The following GLB1L2 variants were observed in gnomAD, a reference collection of about 807,000 sequenced individuals.
GLB1L2 encodes the protein beta-galactosidase-1-like protein 2.
GLB1L2 carries 68 observed loss-of-function variants against 84.1 expected under a neutral mutation model. The observed-to-expected ratio is 0.81, with a 90% CI of 0.67 to 0.99. The LOEUF is 0.99. Ranked by LOEUF, GLB1L2 falls within the 50% of genes least tolerant of loss-of-function variation. GLB1L2 has a pLI of 0.00. For synonymous variants in GLB1L2, 290 were observed against 318.0 expected (o/e 0.91, Z 0.94); for missense variants, 762 against 805.6 (o/e 0.95, Z 0.66).
At chr11:134,365,274 C>T (rs1943853640) in intron 8 of GLB1L2, among the ~76,000 whole-genome samples, 1 of 152,216 alleles carries the variant, frequency 6.6e-6, no homozygotes, top group Non-Finnish European at 1.5e-5. Context: ...GGCGAGGAGG[C>T]TCCCAGGAGG....
chr11:134,369,439 C>T (rs1161516092), intron 10 of GLB1L2, among the ~76,000 whole-genome samples: 4 of 144,004 alleles, frequency 2.8e-5, no homozygotes. Flanking sequence ...GAGCGATCCT[C>T]CTGCCTTGGC....
chr11:134,374,501 C>A (rs145351359), intron 17 of GLB1L2, 101 bp from the exon 18 acceptor site: 1 of 931,514 alleles, frequency 1.1e-6, no homozygotes, highest in Non-Finnish European at 1.7e-6. Flanking sequence ...AGACACAGCT[C>A]GCTTTGGTCT....
rs1287609742 is a variant in GLB1L2, at chr11:134,367,256, G to A, written c.805-1G>A. Reference sequence around the variant, plus strand: ...TCTAACTCTCATTTTGTGGTGTCCAGGGGACTCAGCCCAAGATGGTGATGG... The same window carrying A: ...TCTAACTCTCATTTTGTGGTGTCCAAGGGACTCAGCCCAAGATGGTGATGG... On this transcript the variant is annotated splice_acceptor_variant, in intron 8 of 18. Transcript: ENST00000535456. LOFTEE classifies it high-confidence loss of function. The A allele has an allele frequency of 6.2e-7, 1 of 1,613,360 alleles. No individual in the cohort carries two copies. The highest frequency in any genetic ancestry group is 8.5e-7 in the Non-Finnish European group (1 of 1,179,380).
Position 134,373,822 on chromosome 11 carries a change from C to T in GLB1L2, c.1595+14C>T, listed in dbSNP as rs1943989471. ...CTTCTTTCAGAGGTGGGTCCCTGCC[C>T]AGCACCAGCCCTTGCACTCACAGGT... On this transcript the variant is annotated intron_variant, in intron 16 of 18. Transcript: ENST00000535456. The T allele has an allele frequency of 6.5e-7, 1 of 1,548,568 alleles. No homozygotes were observed. Among genetic ancestry groups the T allele is most frequent in the Non-Finnish European group, 8.9e-7 (1 of 1,121,852 alleles).
intron 15 of GLB1L2, among the ~76,000 whole-genome samples, chr11:134,373,191 C>T (rs1166989102): frequency 2.0e-5 from 3 of 152,246 alleles, no homozygotes; most frequent in African/African-American, 4.8e-5. Flanking sequence ...ACTGGCAGGG[C>T]TGGCCCGGCC....
rs115756556 is a variant in GLB1L2 at position 134,370,588 on chromosome 11, G to C, written c.1215+189G>C. On this transcript the variant is annotated intron_variant, in intron 12 of 18. Transcript: ENST00000535456. The surrounding 1 kb of genome is among the most constrained non-coding windows in gnomAD (Gnocchi z 4.7). ...CTGGTGGCTCTGGGGTCTGCTCTCC[G>C]GCCTTGGAGCTCAGAGGGAAGAGGA... is the stretch of plus-strand genomic sequence containing the variant. 1.3e-5 allele frequency among the ~76,000 whole-genome samples: 2 copies of C among 152,064 alleles called. No individual in the cohort carries two copies. Among genetic ancestry groups the C allele is most frequent in the African/African-American group, 4.8e-5 (2 of 41,400 alleles).
intron 1 of GLB1L2, among the ~76,000 whole-genome samples, chr11:134,342,342 C>T (rs1429173535): frequency 2.0e-5 from 3 of 152,162 alleles, no homozygotes; most frequent in Non-Finnish European, 2.9e-5. Context: ...TGCGGTCGGG[C>T]GGCTGCGACC....
Position 134,368,692 on chromosome 11 carries a change from A to T in GLB1L2, c.938A>T (p.Asn313Ile). The change falls in exon 10 of 19, where the codon AAC (asparagine) becomes ATC (isoleucine). Residue 313 changes from asparagine to isoleucine, a missense_variant. By Grantham distance (149) the Asn-to-Ile change is moderately radical. Coordinates refer to ENST00000535456, the MANE Select transcript of GLB1L2 (RefSeq NM_001370461.1). ...SAIVDAGSSINLYMFHGGTNF... is the reference protein window; with the variant it reads ...SAIVDAGSSIILYMFHGGTNF... ...ATTGTGGACGCCGGCTCCTCCATCA[A>T]CCTCTACATGTTCCACGGAGGCACC... 1 of 1,613,872 alleles carries T rather than the reference A, an allele frequency of 6.2e-7. No homozygotes were observed. The highest frequency in any genetic ancestry group is 8.5e-7 in the Non-Finnish European group (1 of 1,179,984).
intron 1 of GLB1L2, among the ~76,000 whole-genome samples, chr11:134,335,736 G>A (rs1214319882): frequency 6.6e-6 from 1 of 152,158 alleles, no homozygotes; most frequent in East Asian, 1.9e-4. Context: ...GAAGTGGCAA[G>A]TGAAATAAAA....
intron 5 of GLB1L2, chr11:134,355,963 A>G (rs777203484): frequency 1.0e-4 from 49 of 486,054 alleles, no homozygotes; most frequent in Middle Eastern, 3.1e-4. Context: ...ACCATGCTAC[A>G]TTGGGGTGGG....
At chr11:134,351,207 C>T (rs530991543) in intron 5 of GLB1L2, among the ~76,000 whole-genome samples, 3 of 152,232 alleles carry the variant, frequency 2.0e-5, no homozygotes, top group Admixed American at 6.5e-5. Context: ...TCCTTCTGTT[C>T]CTAGTTGACT....
intron 8 of GLB1L2, 142 bp downstream of exon 8, chr11:134,364,540 T>C: frequency 4.4e-6 from 3 of 687,772 alleles, no homozygotes; most frequent in Non-Finnish European, 7.5e-6. Context: ...CCCATGCCAC[T>C]GTGTGCCTGC....
Position 134,339,763 on chromosome 11 carries a change from C to T in GLB1L2, c.87-2991C>T, listed in dbSNP as rs1265618824. On this transcript the variant is annotated intron_variant, in intron 1 of 18. Transcript: ENST00000535456. This position sits in a 1 kb window ranked among gnomAD's most constrained non-coding sequence, Gnocchi z 5.7. ...TGTAACCTTGGGATTGGTTAGAATGCAGATTTTGATTCAGTAGGTCTCAAG... is the reference window on the plus strand; with the variant it reads ...TGTAACCTTGGGATTGGTTAGAATGTAGATTTTGATTCAGTAGGTCTCAAG... Among the ~76,000 whole-genome samples the T allele has an allele frequency of 6.6e-5, 10 of 151,980 alleles. No individual in the cohort carries two copies. The highest frequency in any genetic ancestry group is 1.5e-5 in the Non-Finnish European group (1 of 68,014).
chr11:134,373,587 C>G, intron 15 of GLB1L2, 134 bp from the exon 16 acceptor site: 1 of 668,916 alleles, frequency 1.5e-6, no homozygotes, highest in Non-Finnish European at 2.7e-6. Context: ...CAGTACCCCT[C>G]ACCCCAGCTT....
chr11:134,363,220 A>G (rs35355076), intron 7 of GLB1L2, among the ~76,000 whole-genome samples: 68,200 of 152,062 alleles, frequency 0.45, 16,353 homozygotes, highest in South Asian at 0.61. Flanking sequence ...GTATGGTGTC[A>G]GGGAGACCCA....
At chr11:134,360,265 G>A (rs1250137742) in intron 7 of GLB1L2, 2 of 152,328 alleles carry the variant, frequency 1.3e-5, no homozygotes, top group Non-Finnish European at 2.9e-5. Context: ...CCGAGCTGCT[G>A]GAAGATCTCT....
Position 134,338,857 on chromosome 11 carries a change from T to A in GLB1L2, c.87-3897T>A, listed in dbSNP as rs1473658331. Among the ~76,000 whole-genome samples, 3 of 152,120 alleles carry A rather than the reference T, an allele frequency of 2.0e-5. No individual in the cohort carries two copies. Among genetic ancestry groups the A allele is most frequent in the Non-Finnish European group, 2.9e-5 (2 of 68,016 alleles). On this transcript the variant is annotated intron_variant, in intron 1 of 18. Transcript: ENST00000535456. This position sits in a 1 kb window ranked among gnomAD's most constrained non-coding sequence, Gnocchi z 6.2. ...CCTGCCTTCCTCCAGGAACCCCACC[T>A]TGGACCATGACCATGGCCACCCTCT...
At position 134,371,483 on chromosome 11, in the gene GLB1L2, C is replaced by G. The variant is rs1212177676; in HGVS notation, c.1419C>G (p.Pro473=). The change falls in exon 14 of 19, where the codon CCC becomes CCG. Residue 473 remains proline (P), a synonymous_variant. Coordinates refer to ENST00000535456, the MANE Select transcript of GLB1L2 (RefSeq NM_001370461.1). ...ACAAGACAACGAAGATTGCTGTCCCCCTGATCCAGGTTCGTTGTTTTTGGG... is the reference window on the plus strand; with the variant it reads ...ACAAGACAACGAAGATTGCTGTCCCGCTGATCCAGGTTCGTTGTTTTTGGG... ...LDYKTTKIAV[P]LIQGYTVLRI... 1.9e-6 allele frequency: 3 copies of G among 1,585,134 alleles called. No individual in the cohort carries two copies. Among genetic ancestry groups the G allele is most frequent in the Non-Finnish European group, 2.6e-6 (3 of 1,153,800 alleles).
intron 15 of GLB1L2, among the ~76,000 whole-genome samples, chr11:134,372,095 G>A (rs995484353): frequency 6.6e-6 from 1 of 152,192 alleles, no homozygotes; most frequent in African/African-American, 2.4e-5. Flanking sequence ...TGTCTCCCCT[G>A]GGCTGCAGTC....
Sources: gnomAD v4.1 joint callset for allele counts (sites outside exome capture counted in the v4.1 genomes callset) on GRCh38, gnomAD v4.1.1 for gene constraint, Gnocchi (gnomAD v3.1) non-coding constraint, MANE v1.5 for transcripts, NCBI Gene and HGNC (gene_info 2026-07-23, HGNC 2026-07-21) for gene names.